GLRB: variants seen among roughly 807,000 people sequenced by gnomAD.
GLRB encodes the protein glycine receptor beta.
Under a neutral mutation model 54.2 loss-of-function variants are expected in GLRB, and 33 were observed. The observed-to-expected ratio is 0.61, with a 90% CI of 0.46 to 0.81. GLRB has a LOEUF of 0.81. Among genes scored for constraint, GLRB ranks in the 40% least tolerant of loss-of-function variants. GLRB has a pLI of 0.00. For missense variants in GLRB, 572 were observed against 584.6 expected (o/e 0.98, Z 0.22); for synonymous variants, 209 against 208.2 (o/e 1.00, Z -0.03).
chr4:157,146,857 G>A (rs968572660), intron 8 of GLRB, among the ~76,000 whole-genome samples: 1 of 152,040 alleles, frequency 6.6e-6, no homozygotes, highest in Non-Finnish European at 1.5e-5. Flanking sequence ...TAGATGATGG[G>A]TGGTAGTGAA....
At chr4:157,155,953 T>G (rs1737211618) in intron 9 of GLRB, among the ~76,000 whole-genome samples, 1 of 151,860 alleles carries the variant, frequency 6.6e-6, no homozygotes. Context: ...GAATTGTCCC[T>G]GGGTACTGTA....
intron 2 of GLRB, among the ~76,000 whole-genome samples, chr4:157,093,630 C>T (rs1734696750): frequency 6.6e-6 from 1 of 151,818 alleles, no homozygotes; most frequent in African/African-American, 2.4e-5. Flanking sequence ...TGGCACATGC[C>T]TTTAGTCCCA....
chr4:157,137,932 G>T (rs1317107655), intron 6 of GLRB, among the ~76,000 whole-genome samples: 1 of 152,108 alleles, frequency 6.6e-6, no homozygotes, highest in Admixed American at 6.6e-5. Flanking sequence ...TCTTTAAATT[G>T]TAGCCACATA....
intron 2 of GLRB, among the ~76,000 whole-genome samples, chr4:157,114,840 C>T (rs2126515849): frequency 6.6e-6 from 1 of 151,832 alleles, no homozygotes; most frequent in African/African-American, 2.4e-5. Flanking sequence ...TATCAAGGGT[C>T]CATATTATCA....
chr4:157,078,047 C>T lies in GLRB; in HGVS notation c.23C>T (p.Ala8Val), dbSNP rs1338111783. MKFLLTT[A>V]FLILISLWVE... ...AAGATGAAGTTTTTATTGACAACTGCCTTTTTAATTTTAATTTCCTTGTGG... is the reference window on the plus strand; with the variant it reads ...AAGATGAAGTTTTTATTGACAACTGTCTTTTTAATTTTAATTTCCTTGTGG... Residue 8 changes from alanine (A) to valine (V), a missense_variant, in exon 2 of 10, where the codon GCC becomes GTC. Coordinates refer to ENST00000264428, the MANE Select transcript of GLRB (RefSeq NM_000824.5). 1 of 1,610,604 alleles carries T rather than the reference C, an allele frequency of 6.2e-7. No homozygotes were observed. The highest frequency in any genetic ancestry group is 8.5e-7 in the Non-Finnish European group (1 of 1,177,420).
Position 157,136,704 on chromosome 4 carries a change from CTTTTA to C in GLRB, c.527+8_527+12del. The C allele has an allele frequency of 6.4e-7, 1 of 1,551,440 alleles. No homozygotes were observed. Among genetic ancestry groups the C allele is most frequent in the Non-Finnish European group, 8.9e-7 (1 of 1,123,128 alleles). On this transcript the variant is annotated splice_region_variant and intron_variant, in intron 5 of 9. Transcript: ENST00000264428. ...GATGTCCTTGTCAGCATGAGGTACT[CTTTTA>C]TATTTCATATTTGTGCATTTATATT...
intron 4 of GLRB, among the ~76,000 whole-genome samples, chr4:157,127,836 G>A (rs1736069534): frequency 2.0e-5 from 3 of 151,894 alleles, no homozygotes; most frequent in Admixed American, 2.0e-4. Flanking sequence ...CAGAACAATT[G>A]ACTTCAGCTC....
chr4:157,152,382 A>G (rs1737054357), intron 8 of GLRB, among the ~76,000 whole-genome samples: 1 of 152,160 alleles, frequency 6.6e-6, no homozygotes, highest in Admixed American at 6.5e-5. Context: ...TCTGTCTCAT[A>G]AGAGAGCTCT....
At chr4:157,149,379 T>C (rs912357509) in intron 8 of GLRB, among the ~76,000 whole-genome samples, 2 of 152,130 alleles carry the variant, frequency 1.3e-5, no homozygotes, top group Admixed American at 6.6e-5. Flanking sequence ...TCGCCAAGTA[T>C]GGAAGGAACT....
At chr4:157,132,012 G>T (rs879843218) in intron 4 of GLRB, among the ~76,000 whole-genome samples, 3 of 151,734 alleles carry the variant, frequency 2.0e-5, no homozygotes, top group Non-Finnish European at 4.4e-5. Context: ...AACAGTTTTT[G>T]ATTTTTATCA....
intron 3 of GLRB, among the ~76,000 whole-genome samples, chr4:157,121,822 C>T (rs1356422848): frequency 6.6e-6 from 1 of 151,554 alleles, no homozygotes; most frequent in African/African-American, 2.4e-5. Context: ...TTTATAATGA[C>T]TCTGCTATGT....
At chr4:157,152,592 G>C (rs1190120597) in intron 8 of GLRB, 126 bp from the exon 9 acceptor site, 2 of 792,062 alleles carry the variant, frequency 2.5e-6, no homozygotes, top group Admixed American at 1.7e-5. Context: ...TGAGCTTTAA[G>C]GGGACCTGAC....
At chr4:157,094,543 A>G (rs1734735154) in intron 2 of GLRB, among the ~76,000 whole-genome samples, 3 of 150,782 alleles carry the variant, frequency 2.0e-5, no homozygotes, top group African/African-American at 7.2e-5. Flanking sequence ...CATTATTAAG[A>G]AAAAAGCAGA....
chr4:157,114,715 A>G (rs1735543820), intron 2 of GLRB, among the ~76,000 whole-genome samples: 1 of 151,682 alleles, frequency 6.6e-6, no homozygotes, highest in Non-Finnish European at 1.5e-5. Flanking sequence ...TCTGTCAAAT[A>G]TTTTGTGGAT....
intron 2 of GLRB, among the ~76,000 whole-genome samples, chr4:157,100,371 A>C (rs1489962321): frequency 6.6e-6 from 1 of 152,196 alleles, no homozygotes; most frequent in Admixed American, 6.5e-5. Context: ...AATCCTGTAC[A>C]TTACTAGTAA....
At chr4:157,119,078 A>G (rs1735708636) in intron 2 of GLRB, among the ~76,000 whole-genome samples, 1 of 151,664 alleles carries the variant, frequency 6.6e-6, no homozygotes, top group African/African-American at 2.4e-5. Context: ...GCAACCACCA[A>G]TTTTGTCACT....
chr4:157,146,531 T>A (rs954554745), intron 8 of GLRB, among the ~76,000 whole-genome samples: 1 of 151,890 alleles, frequency 6.6e-6, no homozygotes, highest in African/African-American at 2.4e-5. Flanking sequence ...AAATATTTGA[T>A]GATGGGGCTG....
chr4:157,098,606 C>G (rs988856511), intron 2 of GLRB, among the ~76,000 whole-genome samples: 1 of 151,298 alleles, frequency 6.6e-6, no homozygotes, highest in African/African-American at 2.4e-5. Flanking sequence ...TTTTTCTCTT[C>G]TTTTCTTTTC....
chr4:157,120,768 CAGTA>C, intron 3 of GLRB, 106 bp downstream of exon 3: 3 of 599,058 alleles, frequency 5.0e-6, no homozygotes, highest in Non-Finnish European at 9.3e-6. Flanking sequence ...ATATTCAAAA[CAGTA>C]AGATTTCAAA....
Sources: allele counts gnomAD v4.1 joint callset (sites outside exome capture counted in the v4.1 genomes callset), GRCh38; gene constraint gnomAD v4.1.1; transcripts MANE v1.5; gene names NCBI Gene and HGNC (gene_info 2026-07-23, HGNC 2026-07-21).